Variants in NUDC observed in about 807,000 individuals in gnomAD.
NUDC encodes nuclear distribution C, dynein complex regulator.
A neutral mutation model predicts 45.0 loss-of-function variants in NUDC; 14 were observed. That is an observed-to-expected ratio of 0.31 (90% CI 0.21 to 0.49). The LOEUF (loss-of-function observed/expected upper bound fraction) is 0.49, where lower values mean the gene tolerates loss of function less well. Ranked by LOEUF, NUDC falls within the 20% of genes least tolerant of loss-of-function variation. NUDC has a pLI of 0.99. For missense variants in NUDC, 323 were observed against 426.2 expected (o/e 0.76, Z 2.13); for synonymous variants, 153 against 156.7 (o/e 0.98, Z 0.17).
chr1:26,942,690 A>G lies in NUDC; in HGVS notation c.460A>G (p.Lys154Glu). The change falls in exon 5 of 9, where the codon AAG becomes GAG. Residue 154 changes from lysine to glutamate, a missense_variant. Physicochemically the swap from Lys to Glu is moderately conservative, Grantham distance 56 (BLOSUM62 1). Coordinates refer to ENST00000321265, the MANE Select transcript of NUDC (RefSeq NM_006600.4). ...DTEEDEEEDE[K>E]DKGKLKPNLG... ...TGAGGAAGATGAGGAGGAAGATGAG[A>G]AGGACAAAGGAAAACTGAAGCCCAA... The G allele has an allele frequency of 6.2e-7, 1 of 1,614,196 alleles. No homozygotes were observed. The highest frequency in any genetic ancestry group is 8.5e-7 in the Non-Finnish European group (1 of 1,180,032).
chr1:26,904,022 AT>A (rs2081992030), intron 2 of NUDC, among the ~76,000 whole-genome samples: 1 of 140,412 alleles, frequency 7.1e-6, no homozygotes, highest in Non-Finnish European at 1.6e-5. Context: ...AAATAAATAA[AT>A]AAATAAATAA....
intron 6 of NUDC, among the ~76,000 whole-genome samples, chr1:26,944,084 CAG>C (rs1357279575): frequency 6.6e-6 from 1 of 151,944 alleles, no homozygotes; most frequent in East Asian, 1.9e-4. Flanking sequence ...TTAGTAGAGA[CAG>C]GGTTTCACCG....
chr1:26,906,291 A>C (rs2124053556), intron 2 of NUDC, among the ~76,000 whole-genome samples: 1 of 151,436 alleles, frequency 6.6e-6, no homozygotes, highest in South Asian at 2.1e-4. Context: ...AAAAAAACGA[A>C]AAAATACAAA....
chr1:26,913,401 G>A (rs1047521592), intron 3 of NUDC: 2 of 1,613,860 alleles, frequency 1.2e-6, no homozygotes, highest in Admixed American at 3.3e-5. Flanking sequence ...GAGTGTCTGG[G>A]AGCTCACCGG....
chr1:26,942,876 G>A lies in NUDC; in HGVS notation c.552G>A (p.Ala184=), dbSNP rs1398481844. ...ACTGCCTCTGCCCTATGCAGCTGGC[G>A]GTCCCTTTCTGTGTGAACTTCCGGC... ...WTQTLSELDL[A]VPFCVNFRLK... is the part of the protein sequence containing the mutation. Residue 184 remains alanine (A), a synonymous_variant, in exon 6 of 9, where the codon GCG becomes GCA. Transcript: ENST00000321265. 9.3e-6 allele frequency: 15 copies of A among 1,613,640 alleles called. No homozygotes were observed. The highest frequency in any genetic ancestry group is 6.7e-5 in the Admixed American group (4 of 59,982).
chr1:26,933,698 G>A (rs1375098329), intron 2 of NUDC, among the ~76,000 whole-genome samples: 2 of 152,094 alleles, frequency 1.3e-5, no homozygotes, highest in Admixed American at 6.6e-5. Context: ...ACAGGTTTGA[G>A]CCACTGCATC....
chr1:26,926,450 T>A (rs2082133702), intron 2 of NUDC, among the ~76,000 whole-genome samples: 1 of 152,198 alleles, frequency 6.6e-6, no homozygotes, highest in Non-Finnish European at 1.5e-5. Flanking sequence ...AGTAGACCCC[T>A]TCTAGCTCAG....
At position 26,946,138 on chromosome 1, in the gene NUDC, A is replaced by C. The variant is rs772642585; in HGVS notation, c.953A>C (p.Asp318Ala). The C allele has an allele frequency of 1.2e-6, 2 of 1,613,994 alleles. No homozygotes were observed. Among genetic ancestry groups the C allele is most frequent in the Non-Finnish European group, 1.7e-6 (2 of 1,179,958 alleles). ...TGCTTCCGTTTCTCCAGGTTCATGG[A>C]TCAACATCCGGAGATGGATTTTTCC... ...KKQEILKKFM[D>A]QHPEMDFSKA... Residue 318 changes from aspartate (D) to alanine (A), a missense_variant, in exon 9 of 9, where the codon GAT (aspartate) becomes GCT (alanine). This residue lies in a region of NUDC where 54 missense variants were observed against 100.2 expected (regional missense o/e 0.54). Coordinates refer to ENST00000321265, the MANE Select transcript of NUDC (RefSeq NM_006600.4).
exon 1 of NUDC, chr1:26,900,256 TAGG>T: frequency 1.2e-6 from 2 of 1,613,964 alleles, no homozygotes; most frequent in African/African-American, 2.7e-5. Context: ...AGGGCAGAGT[TAGG>T]AGCGGCCTGC....
At chr1:26,925,913 G>A (rs2082128254) in intron 2 of NUDC, among the ~76,000 whole-genome samples, 1 of 151,368 alleles carries the variant, frequency 6.6e-6, no homozygotes, top group Non-Finnish European at 1.5e-5. Context: ...GTAGAGATGG[G>A]GTTTCACCAT....
At chr1:26,939,495 C>T (rs1170750688) in intron 2 of NUDC, among the ~76,000 whole-genome samples, 1 of 152,088 alleles carries the variant, frequency 6.6e-6, no homozygotes, top group Non-Finnish European at 1.5e-5. Context: ...GGCATGGTGG[C>T]ATGTACTTAT....
chr1:26,935,054 T>C (rs1178728749), intron 2 of NUDC, among the ~76,000 whole-genome samples: 1 of 151,884 alleles, frequency 6.6e-6, no homozygotes, highest in African/African-American at 2.4e-5. Context: ...CGATCTCAGC[T>C]CACTGCAACC....
chr1:26,910,464 A>C (rs1377919081), intron 2 of NUDC, among the ~76,000 whole-genome samples: 1 of 152,164 alleles, frequency 6.6e-6, no homozygotes, highest in Non-Finnish European at 1.5e-5. Flanking sequence ...GTACGAGGCC[A>C]ATTAGCTATA....
At chr1:26,945,708 T>C in intron 8 of NUDC, 22 bp downstream of exon 8, 1 of 1,586,850 alleles carries the variant, frequency 6.3e-7, no homozygotes, top group Non-Finnish European at 8.6e-7. Flanking sequence ...AGAGACGGGG[T>C]TGGGGGACCG....
chr1:26,910,628 G>A (rs2082021736), intron 2 of NUDC, among the ~76,000 whole-genome samples: 1 of 152,208 alleles, frequency 6.6e-6, no homozygotes, highest in Non-Finnish European at 1.5e-5. Flanking sequence ...GGTCAGGGCA[G>A]GACTTACTGC....
Position 26,941,495 on chromosome 1 carries a change from A to G in NUDC, c.198A>G (p.Ala66=), listed in dbSNP as rs2082275727. The G allele has an allele frequency of 6.2e-7, 1 of 1,613,912 alleles. No individual in the cohort carries two copies. Among genetic ancestry groups the G allele is most frequent in the African/African-American group, 1.3e-5 (1 of 74,902 alleles). Residue 66 remains alanine, a synonymous_variant, in exon 3 of 9, where the codon GCA becomes GCG. Transcript: ENST00000321265. ...CTTTCAGCCACCACAATCAGCTGGC[A>G]CAGAAGACCCGGCGGGAGAAGAGAG... ...TQTFSHHNQL[A]QKTRREKRAR...
At chr1:26,900,454 A>C in intron 1 of NUDC, 3 of 1,604,120 alleles carry the variant, frequency 1.9e-6, no homozygotes, top group Non-Finnish European at 2.6e-6. Context: ...TTGGATTGTC[A>C]CATGATCAGC....
rs2082316473 is a variant in NUDC at position 26,946,168 on chromosome 1, C to G, written c.983C>G (p.Ala328Gly). The G allele has an allele frequency of 6.2e-7, 1 of 1,613,076 alleles. No homozygotes were observed. Among genetic ancestry groups the G allele is most frequent in the African/African-American group, 1.3e-5 (1 of 74,912 alleles). Residue 328 changes from alanine to glycine, a missense_variant, in exon 9 of 9, where the codon GCT (alanine) becomes GGT (glycine). Around this residue, in one of 3 missense-constraint regions of NUDC, gnomAD observed 54 missense variants for 100.2 expected, o/e 0.54. Transcript: ENST00000321265. ...CATCCGGAGATGGATTTTTCCAAGG[C>G]TAAATTCAACTAGCCCCTGTTTTTT... ...DQHPEMDFSK[A>G]KFN
At chr1:26,939,156 G>C (rs2082257891) in intron 2 of NUDC, among the ~76,000 whole-genome samples, 1 of 152,082 alleles carries the variant, frequency 6.6e-6, no homozygotes, top group African/African-American at 2.4e-5. Context: ...ACCACACCGG[G>C]CTCATTTTTG....
Sources: allele counts gnomAD v4.1 joint callset (sites outside exome capture counted in the v4.1 genomes callset), GRCh38; gene constraint gnomAD v4.1.1; regional missense constraint gnomAD v4.1.1; transcripts MANE v1.5; gene names NCBI Gene and HGNC (gene_info 2026-07-23, HGNC 2026-07-21).